Variants in MINAR1 observed in about 807,000 individuals in gnomAD.
The protein encoded by MINAR1 is membrane integral NOTCH2 associated receptor 1.
A neutral mutation model predicts 65.1 loss-of-function variants in MINAR1; 40 were observed. The ratio of observed to expected loss-of-function variants is 0.61; its 90% CI spans 0.48 to 0.80. The LOEUF is 0.80. Among genes scored for constraint, MINAR1 ranks in the 30% least tolerant of loss-of-function variants. The pLI is 0.00. For missense variants in MINAR1, 1,128 were observed against 1,148.0 expected (o/e 0.98, Z 0.25); for synonymous variants, 482 against 449.1 (o/e 1.07, Z -0.93).
rs771487429 is a variant in MINAR1, at chr15:79,456,570, G to C, written c.423G>C (p.Leu141=). 3.1e-6 allele frequency: 5 copies of C among 1,614,176 alleles called. No homozygotes were observed. In the East Asian group the frequency reaches 8.9e-5, roughly 29 times the overall value. The part of the protein sequence containing the change: ...AAECEPLNCE[L]SERSFSRGYP... ...AGTGTGAGCCCCTGAACTGTGAGCTGAGTGAGAGGTCTTTCAGCCGGGGCT... is the reference window on the plus strand; with the variant it reads ...AGTGTGAGCCCCTGAACTGTGAGCTCAGTGAGAGGTCTTTCAGCCGGGGCT... Residue 141 remains leucine, a synonymous_variant, in exon 2 of 4, where the codon CTG becomes CTC. Transcript: ENST00000305428.
In MINAR1 at chr15:79,457,998, T is replaced by C; in HGVS notation, c.1851T>C (p.Arg617=). 1 of 1,614,104 alleles carries C rather than the reference T, an allele frequency of 6.2e-7. No homozygotes were observed. The highest frequency in any genetic ancestry group is 2.2e-5 in the East Asian group (1 of 44,880). ...AGCTGGAATCCCTGTCGGGTGTCCGTGATGAAATCTCCCAGGTCTTGGGCA... is the reference window on the plus strand; with the variant it reads ...AGCTGGAATCCCTGTCGGGTGTCCGCGATGAAATCTCCCAGGTCTTGGGCA... ...ERKLESLSGV[R]DEISQVLGKL... is the part of the protein sequence containing the mutation. The change falls in exon 2 of 4, where the codon CGT becomes CGC. Residue 617 remains arginine, a synonymous_variant. Coordinates refer to ENST00000305428, the MANE Select transcript of MINAR1 (RefSeq NM_015206.3).
At chr15:79,421,275 G>A in the MINAR1 span, 1 of 152,162 alleles carries the variant, frequency 6.6e-6, no homozygotes, top group African/African-American at 2.4e-5. Flanking sequence ...TTCTGCTATT[G>A]TGGGCAGGTA....
Position 79,471,148 on chromosome 15 carries a change from G to A in MINAR1, c.*2764G>A, listed in dbSNP as rs1460843476. On this transcript the variant is annotated 3_prime_UTR_variant, in exon 4 of 4. Coordinates refer to ENST00000305428, the MANE Select transcript of MINAR1 (RefSeq NM_015206.3). ...CAATGAGTTCCCGCAGGTGACATAC[G>A]GACTGGCCTCTCTACTGTACTGGGT... 3.9e-5 allele frequency: 6 copies of A among 152,042 alleles called. No homozygotes were observed. The highest frequency in any genetic ancestry group is 1.2e-4 in the African/African-American group (5 of 41,390). The allele number at this position is 152,042 out of a possible 1,614,324, so 9.4% of individuals were successfully genotyped here.
At chr15:79,446,891 C>T (rs750427205) in intron 1 of MINAR1, among the ~76,000 whole-genome samples, 19 of 152,086 alleles carry the variant, frequency 1.2e-4, no homozygotes, top group Non-Finnish European at 2.2e-4. Flanking sequence ...GTCATTGTTG[C>T]TGTTTTGTTT....
In MINAR1 at chr15:79,456,563, G is replaced by A. The variant is rs146075963; in HGVS notation, c.416G>A (p.Cys139Tyr). 1.2e-6 allele frequency: 2 copies of A among 1,614,128 alleles called. No homozygotes were observed. Among genetic ancestry groups the A allele is most frequent in the Non-Finnish European group, 1.7e-6 (2 of 1,180,010 alleles). The change falls in exon 2 of 4, where the codon TGT becomes TAT. Residue 139 changes from cysteine (C) to tyrosine (Y), a missense_variant. Coordinates refer to ENST00000305428, the MANE Select transcript of MINAR1 (RefSeq NM_015206.3). ...CNAAECEPLNCELSERSFSRG... is the reference protein window; with the variant it reads ...CNAAECEPLNYELSERSFSRG... ...GCAGCTGAGTGTGAGCCCCTGAACT[G>A]TGAGCTGAGTGAGAGGTCTTTCAGC...
intron 3 of MINAR1, among the ~76,000 whole-genome samples, chr15:79,463,964 G>A (rs1284006506): frequency 6.6e-6 from 1 of 152,212 alleles, no homozygotes; most frequent in Non-Finnish European, 1.5e-5. Flanking sequence ...TGTGCACTTA[G>A]CTTTGTAGGC....
Position 79,456,948 on chromosome 15 carries a change from G to A in MINAR1, c.801G>A (p.Leu267=). 1 of 1,614,136 alleles carries A rather than the reference G, an allele frequency of 6.2e-7. No homozygotes were observed. Among genetic ancestry groups the A allele is most frequent in the Non-Finnish European group, 8.5e-7 (1 of 1,180,016 alleles). Residue 267 remains leucine, a synonymous_variant, in exon 2 of 4, where the codon TTG becomes TTA. Transcript: ENST00000305428. ...TCTTCAAAGAGGATTTTCACAATTTGATGGCAGTGTCCCCCAGTTTGGTTG... is the reference window on the plus strand; with the variant it reads ...TCTTCAAAGAGGATTTTCACAATTTAATGGCAGTGTCCCCCAGTTTGGTTG... ...RNIFKEDFHN[L]MAVSPSLVGP...
chr15:79,463,241 C>A lies in MINAR1; in HGVS notation c.2473C>A (p.Arg825=). The part of the protein sequence containing the change: ...MRLTELAEVK[R]GQPSWTIEEY... Reference sequence around the variant, plus strand: ...GCTGACCGAGTTGGCCGAGGTGAAGCGGGGCCAACCTTCTTGGACCATTGA... The same window carrying A: ...GCTGACCGAGTTGGCCGAGGTGAAGAGGGGCCAACCTTCTTGGACCATTGA... The change falls in exon 3 of 4, where the codon CGG becomes AGG. Residue 825 remains arginine (R), a synonymous_variant. Transcript: ENST00000305428. 6.2e-7 allele frequency: 1 copy of A among 1,614,198 alleles called. No individual in the cohort carries two copies. Among genetic ancestry groups the A allele is most frequent in the Non-Finnish European group, 8.5e-7 (1 of 1,180,046 alleles).
At chr15:79,428,931 C>A (rs1361064096), upstream of MINAR1, among the ~76,000 whole-genome samples, 1 of 152,118 alleles carries the variant, frequency 6.6e-6, no homozygotes, top group African/African-American at 2.4e-5. Flanking sequence ...CCCCTTCCCT[C>A]CCCTAAAGAC....
intron 1 of MINAR1, among the ~76,000 whole-genome samples, chr15:79,448,363 A>C (rs77526564): frequency 0.057 from 8,645 of 152,262 alleles, 261 homozygotes; most frequent in Middle Eastern, 0.078. Flanking sequence ...TCTCTGGGAG[A>C]GAAAGTGTTC....
rs1567064146 is a variant in MINAR1, at chr15:79,468,345, C to G, written c.2712C>G (p.Ile904Met). Reference protein sequence around the residue: ...ALIAAAACTVILVIVVPICTM... With the variant: ...ALIAAAACTVMLVIVVPICTM... ...TCGCTGCTGCGGCATGCACCGTCAT[C>G]CTCGTTATTGTCGTGCCCATCTGCA... The change falls in exon 4 of 4, where the codon ATC becomes ATG. Residue 904 changes from isoleucine (I) to methionine (M), a missense_variant. By Grantham distance (10) the Ile-to-Met change is conservative. Coordinates refer to ENST00000305428, the MANE Select transcript of MINAR1 (RefSeq NM_015206.3). 7 of 1,614,000 alleles carry G rather than the reference C, an allele frequency of 4.3e-6. No homozygotes were observed. In the African/African-American group the frequency reaches 9.3e-5, roughly 22 times the overall value.
In MINAR1 at chr15:79,458,176, A is replaced by G. The variant is rs1333834285; in HGVS notation, c.2029A>G (p.Asn677Asp). 6.2e-7 allele frequency: 1 copy of G among 1,613,998 alleles called. No homozygotes were observed. Among genetic ancestry groups the G allele is most frequent in the African/African-American group, 1.3e-5 (1 of 74,910 alleles). ...TGGCTCCCACGGACCCAAACTAGAG[A>G]ACAACCCTGACTGGTGCTGCTCTGA... ...HSGSHGPKLENNPDWCCSDAS... is the reference protein window; with the variant it reads ...HSGSHGPKLEDNPDWCCSDAS... Residue 677 changes from asparagine to aspartate, a missense_variant, in exon 2 of 4, where the codon AAC (asparagine) becomes GAC (aspartate). By Grantham distance (23) the Asn-to-Asp change is conservative (BLOSUM62 1). Coordinates refer to ENST00000305428, the MANE Select transcript of MINAR1 (RefSeq NM_015206.3).
chr15:79,423,465 A>T, the MINAR1 span: 1 of 152,174 alleles, frequency 6.6e-6, no homozygotes. Flanking sequence ...ATTATTACCT[A>T]TTCAAAACAA....
At position 79,457,898 on chromosome 15, in the gene MINAR1, ACACC is replaced by A; in HGVS notation, c.1756_1759del (p.His586ThrfsTer6). The A allele has an allele frequency of 6.2e-7, 1 of 1,614,114 alleles. No homozygotes were observed. The highest frequency in any genetic ancestry group is 8.5e-7 in the Non-Finnish European group (1 of 1,180,032). On this transcript the variant is annotated frameshift_variant, in exon 2 of 4. Coordinates refer to ENST00000305428, the MANE Select transcript of MINAR1 (RefSeq NM_015206.3). LOFTEE classifies it high-confidence loss of function. ...GGAGACAAGGGCAACCGGCCTGAAA[ACACC>A]CACCACTCGGAAGAAGAGCTGAAGA...
At chr15:79,411,602 G>C in the MINAR1 span, 1 of 667,898 alleles carries the variant, frequency 1.5e-6, no homozygotes, top group Middle Eastern at 3.9e-4. Flanking sequence ...ACCATGCACT[G>C]GGACTAGCTC....
intron 1 of MINAR1, among the ~76,000 whole-genome samples, chr15:79,433,469 A>G (rs892165328): frequency 9.9e-5 from 15 of 152,256 alleles, no homozygotes; most frequent in Admixed American, 2.6e-4. Flanking sequence ...TTCTGCTATA[A>G]ACAATGTACA....
At position 79,435,682 on chromosome 15, in the gene MINAR1, G is replaced by A. The variant is rs535051128; in HGVS notation, c.-51+3142G>A. 1.6e-4 allele frequency among the ~76,000 whole-genome samples: 24 copies of A among 152,316 alleles called. 1 individual carries two copies. The South Asian group carries it at 5.0e-3, about 32-fold the overall frequency. On this transcript the variant is annotated intron_variant, in intron 1 of 3. Transcript: ENST00000305428. ...ATGAAGAGGGAGTAAAGTTATTCTG[G>A]CAGACCAAAGACTGGTGGATGATAC... is the stretch of plus-strand genomic sequence containing the variant.
upstream of MINAR1, among the ~76,000 whole-genome samples, chr15:79,428,353 G>GCCT (rs201320547): frequency 2.4e-3 from 106 of 43,332 alleles, 3 homozygotes; most frequent in Non-Finnish European, 3.6e-3. Context: ...ATCCCTCCTT[G>GCCT]CCTCCTTTTC....
the MINAR1 span, chr15:79,419,922 G>A: frequency 6.6e-6 from 1 of 151,950 alleles, no homozygotes; most frequent in Middle Eastern, 3.5e-3. Flanking sequence ...TACAAGATCT[G>A]AGAAAAAAAA....
Sources: gnomAD v4.1 joint callset for allele counts (sites outside exome capture counted in the v4.1 genomes callset) on GRCh38, gnomAD v4.1.1 for gene constraint, MANE v1.5 for transcripts, NCBI Gene and HGNC (gene_info 2026-07-23, HGNC 2026-07-21) for gene names.